ZNF385B: variants seen among roughly 807,000 people sequenced by gnomAD.
ZNF385B encodes the protein zinc finger protein 533.
Under a neutral mutation model 39.2 loss-of-function variants are expected in ZNF385B, and 23 were observed. The observed-to-expected ratio is 0.59, with a 90% CI of 0.42 to 0.83. ZNF385B has a LOEUF of 0.83. ZNF385B is among the 40% of genes least tolerant of loss of function. ZNF385B has a pLI of 0.00. For synonymous variants in ZNF385B, 205 were observed against 222.6 expected, an observed-to-expected ratio of 0.92 and a Z score of 0.70; for missense variants, 552 against 598.9, an observed-to-expected ratio of 0.92 and a Z score of 0.82.
intron 1 of ZNF385B, among the ~76,000 whole-genome samples, chr2:179,792,426 G>A (rs1350232919): frequency 7.3e-6 from 1 of 136,180 alleles, no homozygotes; most frequent in Non-Finnish European, 1.6e-5. Flanking sequence ...CCAGGCTGGA[G>A]TGCAGTGGCA....
intron 5 of ZNF385B, among the ~76,000 whole-genome samples, chr2:179,499,239 T>C (rs2056537091): frequency 6.6e-6 from 1 of 151,864 alleles, no homozygotes; most frequent in African/African-American, 2.4e-5. Flanking sequence ...CTACCAAACA[T>C]TGAAAGAACT....
intron 1 of ZNF385B, among the ~76,000 whole-genome samples, chr2:179,802,053 T>C (rs1028181379): frequency 1.3e-5 from 2 of 152,156 alleles, no homozygotes; most frequent in Non-Finnish European, 2.9e-5. Context: ...GTAATTCAAA[T>C]CAATGCTTAA....
chr2:179,675,688 G>A (rs1696660220), intron 3 of ZNF385B, among the ~76,000 whole-genome samples: 2 of 152,256 alleles, frequency 1.3e-5, no homozygotes, highest in South Asian at 4.2e-4. Flanking sequence ...AAAGTGGGTT[G>A]AGGTGAGGCC....
intron 1 of ZNF385B, among the ~76,000 whole-genome samples, chr2:179,828,697 C>G (rs1197496013): frequency 1.3e-5 from 2 of 152,134 alleles, no homozygotes; most frequent in African/African-American, 2.4e-5. Flanking sequence ...ACTTCAAGAA[C>G]TTTAAAATCT....
intron 3 of ZNF385B, among the ~76,000 whole-genome samples, chr2:179,696,158 G>C (rs1052159190): frequency 6.6e-5 from 10 of 151,918 alleles, no homozygotes; most frequent in African/African-American, 2.4e-4. Context: ...AAGGGTACAG[G>C]GTTTCTTTTT....
intron 4 of ZNF385B, among the ~76,000 whole-genome samples, chr2:179,519,810 A>T (rs1379727589): frequency 2.6e-5 from 4 of 152,220 alleles, no homozygotes; most frequent in African/African-American, 9.7e-5. Flanking sequence ...GGATTAGTTG[A>T]TGATATTTGA....
intron 3 of ZNF385B, among the ~76,000 whole-genome samples, chr2:179,765,821 T>C (rs1206735760): frequency 6.6e-6 from 1 of 152,138 alleles, no homozygotes; most frequent in Non-Finnish European, 1.5e-5. Context: ...GCGGTTTCTG[T>C]TATTTCCACT....
At chr2:179,486,674 G>T (rs113258163) in intron 5 of ZNF385B, among the ~76,000 whole-genome samples, 12 of 152,284 alleles carry the variant, frequency 7.9e-5, no homozygotes, top group African/African-American at 2.9e-4. Flanking sequence ...CGGCACTTTG[G>T]GAGGCCCAGG....
At chr2:179,715,072 T>C (rs1044783701) in intron 3 of ZNF385B, among the ~76,000 whole-genome samples, 1 of 152,142 alleles carries the variant, frequency 6.6e-6, no homozygotes, top group Non-Finnish European at 1.5e-5. Flanking sequence ...AAGTCATCTG[T>C]TATTGCTGAC....
At chr2:179,525,800 G>C (rs2058848864) in intron 4 of ZNF385B, among the ~76,000 whole-genome samples, 1 of 152,304 alleles carries the variant, frequency 6.6e-6, no homozygotes, top group East Asian at 1.9e-4. Flanking sequence ...ATGTTTAAGT[G>C]ATAGCTGTGT....
Position 179,493,814 on chromosome 2 carries a change from T to C in ZNF385B, c.553-10380A>G, listed in dbSNP as rs1022481429. ...GTATACATATATGTATATATACATA[T>C]ATATATAGCAGAGGGAGAAAAACAT... On this transcript the variant is annotated intron_variant, in intron 5 of 9. Transcript: ENST00000410066. 7.6e-4 allele frequency among the ~76,000 whole-genome samples: 112 copies of C among 146,796 alleles called. 1 individual carries two copies. The Middle Eastern group carries it at 0.015, about 19-fold the overall frequency.
rs374493812 is a variant in ZNF385B, at chr2:179,679,961, T to G, written c.298+89542A>C. Among the ~76,000 whole-genome samples, 12 of 152,330 alleles carry G rather than the reference T, an allele frequency of 7.9e-5. 1 individual carries two copies. The highest frequency in any genetic ancestry group is 2.9e-4 in the African/African-American group (12 of 41,576). Reference sequence around the variant, plus strand: ...ACTGTACGTTAGTTTTGACCACAACTAAACCTGGCTAATAAATGGCTCCAC... The same window carrying G: ...ACTGTACGTTAGTTTTGACCACAACGAAACCTGGCTAATAAATGGCTCCAC... On this transcript the variant is annotated intron_variant, in intron 3 of 9. Coordinates refer to ENST00000410066, the MANE Select transcript of ZNF385B (RefSeq NM_152520.6).
chr2:179,456,627 T>C (rs975237501), intron 6 of ZNF385B, among the ~76,000 whole-genome samples: 2 of 152,192 alleles, frequency 1.3e-5, no homozygotes, highest in South Asian at 4.1e-4. Context: ...TTAAGTTGGT[T>C]GAACCATTGT....
At chr2:179,825,358 G>C (rs1707621831) in intron 1 of ZNF385B, among the ~76,000 whole-genome samples, 1 of 151,648 alleles carries the variant, frequency 6.6e-6, no homozygotes, top group African/African-American at 2.4e-5. Flanking sequence ...TTGAGTGACA[G>C]ATATCAAAAT....
intron 4 of ZNF385B, among the ~76,000 whole-genome samples, chr2:179,533,615 G>C (rs1251093588): frequency 1.3e-5 from 2 of 152,024 alleles, no homozygotes; most frequent in South Asian, 2.1e-4. Context: ...TGTGTGGGAG[G>C]GGGAGGAGTG....
intron 4 of ZNF385B, among the ~76,000 whole-genome samples, chr2:179,533,285 G>A (rs2059369243): frequency 1.3e-5 from 2 of 152,148 alleles, no homozygotes; most frequent in Non-Finnish European, 2.9e-5. Context: ...GATGTAAGAT[G>A]TATCAGTTTT....
intron 3 of ZNF385B, among the ~76,000 whole-genome samples, chr2:179,577,831 G>A (rs1199889480): frequency 6.6e-6 from 1 of 151,686 alleles, no homozygotes; most frequent in East Asian, 1.9e-4. Flanking sequence ...CTATGAATAA[G>A]TGTCAATGTG....
At chr2:179,834,628 A>G (rs1296525947) in intron 1 of ZNF385B, among the ~76,000 whole-genome samples, 2 of 152,214 alleles carry the variant, frequency 1.3e-5, no homozygotes, top group East Asian at 3.9e-4. Flanking sequence ...TACAACCACC[A>G]TAGTAACAAC....
At chr2:179,450,901 C>A (rs1230181443) in intron 6 of ZNF385B, among the ~76,000 whole-genome samples, 2 of 151,840 alleles carry the variant, frequency 1.3e-5, no homozygotes, top group East Asian at 1.9e-4. Context: ...ACATATACAC[C>A]ATGGAATACT....
Sources: gnomAD v4.1 joint callset for allele counts (sites outside exome capture counted in the v4.1 genomes callset) on GRCh38, gnomAD v4.1.1 for gene constraint, MANE v1.5 for transcripts, NCBI Gene and HGNC (gene_info 2026-07-23, HGNC 2026-07-21) for gene names.